Variants in VPS13B observed in about 807,000 individuals in gnomAD.
VPS13B encodes the protein vacuolar protein sorting 13 homolog B, also known as intermembrane lipid transfer protein VPS13B.
VPS13B carries 285 observed loss-of-function variants against 426.4 expected under a neutral mutation model. That is an observed-to-expected ratio of 0.67 (90% CI 0.61 to 0.74). VPS13B has a LOEUF of 0.74. Ranked by LOEUF, VPS13B falls within the 30% of genes least tolerant of loss-of-function variation. The pLI is 0.00. For synonymous variants in VPS13B, 1,676 were observed against 1,676.4 expected, an observed-to-expected ratio of 1.00 and a Z score of 0.01; for missense variants, 4,537 against 4,782.6, an observed-to-expected ratio of 0.95 and a Z score of 1.51.
intron 19 of VPS13B, among the ~76,000 whole-genome samples, chr8:99,313,341 G>C (rs1246612558): frequency 6.6e-6 from 1 of 152,098 alleles, no homozygotes; most frequent in Non-Finnish European, 1.5e-5. Context: ...TACATATGGG[G>C]TTTTGGTGTG....
intron 23 of VPS13B, among the ~76,000 whole-genome samples, chr8:99,455,030 T>C (rs1043014489): frequency 1.7e-4 from 26 of 152,212 alleles, no homozygotes; most frequent in African/African-American, 6.0e-4. Context: ...ATCAGATGTT[T>C]TGTCAGATAT....
chr8:99,649,134 G>C (rs1829705174), intron 34 of VPS13B, among the ~76,000 whole-genome samples: 1 of 151,952 alleles, frequency 6.6e-6, no homozygotes, highest in African/African-American at 2.4e-5. Context: ...TTCTCTAGCT[G>C]TTTTCAAGAC....
At chr8:99,316,921 T>C (rs1408213892) in intron 19 of VPS13B, among the ~76,000 whole-genome samples, 1 of 152,210 alleles carries the variant, frequency 6.6e-6, no homozygotes, top group Non-Finnish European at 1.5e-5. Context: ...TTGGAATCTT[T>C]TTTTCTGTTT....
In VPS13B at chr8:99,121,380, C is replaced by T. The variant is rs774376104; in HGVS notation, c.1141C>T (p.Gln381Ter). Reference sequence around the variant, plus strand: ...ATCAACCATGCATCAACAAAAAGCACAGACTTTGAAGGATCCTATTGTTTC... The same window carrying T: ...ATCAACCATGCATCAACAAAAAGCATAGACTTTGAAGGATCCTATTGTTTC... ...PASTMHQQKA[Q>*]TLKDPIVSIG... Residue 381 changes from glutamine to a stop codon, truncating the protein, a stop_gained, in exon 8 of 62, where the codon CAG becomes TAG. Transcript: ENST00000357162. LOFTEE classifies it high-confidence loss of function. The T allele has an allele frequency of 1.2e-5, 19 of 1,614,182 alleles. No individual in the cohort carries two copies. Among genetic ancestry groups the T allele is most frequent in the Non-Finnish European group, 1.6e-5 (19 of 1,180,024 alleles).
At chr8:99,031,053 A>G (rs1842487489) in intron 2 of VPS13B, among the ~76,000 whole-genome samples, 2 of 152,114 alleles carry the variant, frequency 1.3e-5, no homozygotes, top group Admixed American at 6.6e-5. Flanking sequence ...TAGTTTTGTT[A>G]CATGTTGTTT....
At chr8:99,030,194 C>CA (rs1491186080) in intron 2 of VPS13B, among the ~76,000 whole-genome samples, 1 of 98,142 alleles carries the variant, frequency 1.0e-5, no homozygotes, top group Non-Finnish European at 2.1e-5. Flanking sequence ...GCGTTCTTCT[C>CA]ATTCTTTTTA....
chr8:99,739,752 G>T (rs184990088), intron 39 of VPS13B, among the ~76,000 whole-genome samples: 3 of 152,314 alleles, frequency 2.0e-5, no homozygotes, highest in Admixed American at 1.3e-4. Context: ...CAGACCTGCA[G>T]CTGAGGGTCC....
At chr8:99,524,137 C>A (rs1822522200) in intron 30 of VPS13B, among the ~76,000 whole-genome samples, 1 of 151,798 alleles carries the variant, frequency 6.6e-6, no homozygotes, top group Non-Finnish European at 1.5e-5. Flanking sequence ...CAAAATTGAT[C>A]AAGCAGAAGA....
chr8:99,218,241 GGAA>G (rs1815493744), intron 17 of VPS13B, among the ~76,000 whole-genome samples: 1 of 152,246 alleles, frequency 6.6e-6, no homozygotes, highest in Admixed American at 6.5e-5. Context: ...AAAAAGAGGA[GGAA>G]GAAGAAGAAA....
At chr8:99,498,550 A>G (rs1362594556) in intron 25 of VPS13B, among the ~76,000 whole-genome samples, 1 of 152,120 alleles carries the variant, frequency 6.6e-6, no homozygotes, top group Non-Finnish European at 1.5e-5. Context: ...AACAATAAAA[A>G]AGAAAATAAG....
chr8:99,773,348 G>T (rs545919857), intron 40 of VPS13B, among the ~76,000 whole-genome samples: 26 of 152,132 alleles, frequency 1.7e-4, no homozygotes, highest in Non-Finnish European at 3.7e-4. Context: ...TAATCTCTAT[G>T]CTATATTATC....
intron 29 of VPS13B, among the ~76,000 whole-genome samples, chr8:99,512,205 A>G (rs1425462165): frequency 6.6e-6 from 1 of 152,212 alleles, no homozygotes; most frequent in Admixed American, 6.5e-5. Context: ...GAGATGTGAA[A>G]TTACTATTCT....
intron 21 of VPS13B, among the ~76,000 whole-genome samples, chr8:99,401,790 T>C (rs3105180): frequency 0.27 from 41,484 of 151,990 alleles, 6,286 homozygotes; most frequent in East Asian, 0.44. Context: ...TGCTTGAACC[T>C]GGGAGGTGGA....
At chr8:99,251,429 T>G (rs1392534300) in intron 17 of VPS13B, among the ~76,000 whole-genome samples, 2 of 152,182 alleles carry the variant, frequency 1.3e-5, no homozygotes, top group Admixed American at 1.3e-4. Flanking sequence ...GTCATGTGGA[T>G]TTTTCTTCTT....
intron 19 of VPS13B, among the ~76,000 whole-genome samples, chr8:99,331,033 C>A (rs916480622): frequency 6.6e-6 from 1 of 151,792 alleles, no homozygotes; most frequent in Non-Finnish European, 1.5e-5. Context: ...CATTCAGATT[C>A]TTTAATCATA....
chr8:99,577,736 C>G, intron 33 of VPS13B, 103 bp downstream of exon 33: 1 of 1,384,084 alleles, frequency 7.2e-7, no homozygotes, highest in Admixed American at 1.8e-5. Context: ...CTTAATTATT[C>G]TGTGTTTAAC....
chr8:99,736,502 A>G (rs1185277619), intron 39 of VPS13B, among the ~76,000 whole-genome samples: 1 of 152,160 alleles, frequency 6.6e-6, no homozygotes, highest in African/African-American at 2.4e-5. Flanking sequence ...TGAAATCAGG[A>G]GGCAGATGTT....
At chr8:99,120,023 G>T (rs922262688) in intron 7 of VPS13B, 1 of 152,180 alleles carries the variant, frequency 6.6e-6, no homozygotes, top group Admixed American at 6.6e-5. Flanking sequence ...AAGTTGCTGG[G>T]ACCATAATGG....
At chr8:99,436,879 C>T (rs1817407720) in intron 22 of VPS13B, among the ~76,000 whole-genome samples, 1 of 152,070 alleles carries the variant, frequency 6.6e-6, no homozygotes, top group Admixed American at 6.6e-5. Context: ...GCTGGGACTA[C>T]AGGTGCCCGC....
Sources: gnomAD v4.1 joint callset for allele counts (sites outside exome capture counted in the v4.1 genomes callset) on GRCh38, gnomAD v4.1.1 for gene constraint, MANE v1.5 for transcripts, NCBI Gene and HGNC (gene_info 2026-07-23, HGNC 2026-07-21) for gene names.